Variants in CYTH3 observed in about 807,000 individuals in gnomAD.
CYTH3 encodes the protein cytohesin-3.
In CYTH3, 23 loss-of-function variants were observed where a neutral mutation model predicts 55.1. The observed-to-expected ratio is 0.42, with a 90% CI of 0.30 to 0.59. The LOEUF (loss-of-function observed/expected upper bound fraction) is 0.59, where lower values mean the gene tolerates loss of function less well. CYTH3 is among the 20% of genes least tolerant of loss of function. CYTH3 has a pLI of 0.20. For missense variants in CYTH3, 413 were observed against 524.8 expected (o/e 0.79, Z 2.08); for synonymous variants, 249 against 194.9 (o/e 1.28, Z -2.31).
At chr7:6,203,070 A>G (rs1028080662) in intron 1 of CYTH3, among the ~76,000 whole-genome samples, 3 of 152,240 alleles carry the variant, frequency 2.0e-5, no homozygotes, top group Non-Finnish European at 4.4e-5. Context: ...ATGAGTCACT[A>G]GATAATGATA....
At chr7:6,188,030 G>A (rs1300138811) in intron 2 of CYTH3, among the ~76,000 whole-genome samples, 2 of 152,066 alleles carry the variant, frequency 1.3e-5, no homozygotes, top group Admixed American at 6.6e-5. Flanking sequence ...TCACAGCTGT[G>A]AAAAGATAAA....
At chr7:6,272,081 G>C (rs564374158) in intron 1 of CYTH3, among the ~76,000 whole-genome samples, 1 of 152,198 alleles carries the variant, frequency 6.6e-6, no homozygotes, top group Admixed American at 6.5e-5. Context: ...TGAGCTGAAA[G>C]GGGGCGTCCG....
intron 5 of CYTH3, among the ~76,000 whole-genome samples, chr7:6,174,886 T>C (rs1583742383): frequency 6.6e-6 from 1 of 152,328 alleles, no homozygotes; most frequent in African/African-American, 2.4e-5. Context: ...TGATGATCAA[T>C]TGAGCATTTT....
intron 1 of CYTH3, among the ~76,000 whole-genome samples, chr7:6,237,527 G>T (rs895293842): frequency 2.6e-5 from 4 of 152,022 alleles, no homozygotes; most frequent in Admixed American, 6.6e-5. Context: ...GACCAACATG[G>T]TGAAACCCCG....
intron 1 of CYTH3, among the ~76,000 whole-genome samples, chr7:6,268,848 C>G (rs1780576996): frequency 1.3e-5 from 2 of 152,034 alleles, no homozygotes; most frequent in Admixed American, 6.6e-5. Context: ...GAATTAGTGA[C>G]AGGGGTGATG....
In CYTH3 at chr7:6,167,879, C is replaced by T. The variant is rs912001734; in HGVS notation, c.824-2069G>A. 3.9e-5 allele frequency among the ~76,000 whole-genome samples: 6 copies of T among 152,236 alleles called. No individual in the cohort carries two copies. Among genetic ancestry groups the T allele is most frequent in the Admixed American group, 2.0e-4 (3 of 15,292 alleles). ...GGGTCTGCCAGGTGGCCTCTCAGCTCCACCTTGGGTCCCCCGCTCACACCT... is the reference window on the plus strand; with the variant it reads ...GGGTCTGCCAGGTGGCCTCTCAGCTTCACCTTGGGTCCCCCGCTCACACCT... On this transcript the variant is annotated intron_variant, in intron 9 of 12. Transcript: ENST00000350796. The surrounding 1 kb of genome is among the most constrained non-coding windows in gnomAD (Gnocchi z 5.5).
At chr7:6,182,899 C>T (rs542138340) in intron 4 of CYTH3, among the ~76,000 whole-genome samples, 30 of 152,326 alleles carry the variant, frequency 2.0e-4, no homozygotes, top group African/African-American at 6.5e-4. Flanking sequence ...TTTCCTCAAA[C>T]GCTTGGTGGT....
At chr7:6,222,944 T>C (rs1347073284) in intron 1 of CYTH3, among the ~76,000 whole-genome samples, 1 of 152,214 alleles carries the variant, frequency 6.6e-6, no homozygotes, top group Non-Finnish European at 1.5e-5. Context: ...TAATAGTCAA[T>C]CAATCAATAA....
chr7:6,255,441 G>A (rs1279164430), intron 1 of CYTH3, among the ~76,000 whole-genome samples: 1 of 152,112 alleles, frequency 6.6e-6, no homozygotes, highest in Non-Finnish European at 1.5e-5. Flanking sequence ...GACCCCAAGG[G>A]AAAAGAGGGC....
chr7:6,227,243 G>A (rs901348576), intron 1 of CYTH3, among the ~76,000 whole-genome samples: 2 of 152,002 alleles, frequency 1.3e-5, no homozygotes, highest in African/African-American at 4.8e-5. Flanking sequence ...ACAGATTGAT[G>A]GAAAAATTAT....
chr7:6,260,396 T>C (rs1167160463), intron 1 of CYTH3, among the ~76,000 whole-genome samples: 1 of 152,180 alleles, frequency 6.6e-6, no homozygotes, highest in Non-Finnish European at 1.5e-5. Context: ...TGAGAAGTAT[T>C]TCACTGCAAA....
At chr7:6,189,656 C>G (rs1000217216) in intron 2 of CYTH3, among the ~76,000 whole-genome samples, 1 of 152,078 alleles carries the variant, frequency 6.6e-6, no homozygotes, top group Non-Finnish European at 1.5e-5. Context: ...TGGTACACAG[C>G]TGGAACCCAA....
chr7:6,203,158 A>G (rs1396917571), intron 1 of CYTH3, among the ~76,000 whole-genome samples: 1 of 152,180 alleles, frequency 6.6e-6, no homozygotes, highest in Non-Finnish European at 1.5e-5. Flanking sequence ...GCAAAAATTG[A>G]CAGATGTACA....
At position 6,163,827 on chromosome 7, in the gene CYTH3, GA is replaced by G. The variant is rs758782555; in HGVS notation, c.*1116del. The G allele has an allele frequency of 2.6e-5, 4 of 152,156 alleles. No individual in the cohort carries two copies. Among genetic ancestry groups the G allele is most frequent in the Non-Finnish European group, 5.9e-5 (4 of 68,038 alleles). 9.4% of individuals were successfully genotyped at this position (152,156 alleles called of 1,614,324 possible). A position where few individuals can be genotyped will look rare whatever the true frequency, so the allele number is the denominator to read the frequency against. On this transcript the variant is annotated 3_prime_UTR_variant, in exon 13 of 13. Coordinates refer to ENST00000350796, the MANE Select transcript of CYTH3 (RefSeq NM_004227.4). ...TTCATTAAGAAATCTGGTCAAATTA[GA>G]AAGTCTGTAAAATAAGCGTTCATTT...
chr7:6,242,375 ATTTTT>A lies in CYTH3; in HGVS notation c.34+30094_34+30098del, dbSNP rs10525625. Among the ~76,000 whole-genome samples, 5 of 105,788 alleles carry A rather than the reference ATTTTT, an allele frequency of 4.7e-5. No homozygotes were observed. The South Asian group carries it at 1.5e-3, about 31-fold the overall frequency. The allele number at this position is 105,788 out of a possible 152,430, so 69.4% of individuals were successfully genotyped here. A position where few individuals can be genotyped will look rare whatever the true frequency, so the allele number is the denominator to read the frequency against. ...ACAGACATGAGCCACCGCGCCTGGCATTTTTTTTTTTTTTTTTTTAAGACGGAGTC... is the reference window on the plus strand; with the variant it reads ...ACAGACATGAGCCACCGCGCCTGGCATTTTTTTTTTTTTTAAGACGGAGTC... On this transcript the variant is annotated intron_variant, in intron 1 of 12. Coordinates refer to ENST00000350796, the MANE Select transcript of CYTH3 (RefSeq NM_004227.4).
chr7:6,172,869 C>T (rs557941974), intron 6 of CYTH3: 7 of 1,264,652 alleles, frequency 5.5e-6, no homozygotes, highest in South Asian at 3.8e-5. Flanking sequence ...CACAACATCA[C>T]GAGGGTCCCA....
intron 1 of CYTH3, among the ~76,000 whole-genome samples, chr7:6,254,431 T>C (rs968806594): frequency 6.6e-6 from 1 of 152,228 alleles, no homozygotes; most frequent in African/African-American, 2.4e-5. Context: ...TGCTAAAGTA[T>C]TTCTTTGAAA....
intron 9 of CYTH3, among the ~76,000 whole-genome samples, chr7:6,168,577 C>T (rs1264081017): frequency 1.3e-5 from 2 of 152,172 alleles, no homozygotes; most frequent in Non-Finnish European, 2.9e-5. Context: ...GCAGCAGGTG[C>T]TCACCGGGCC....
chr7:6,241,827 A>C (rs1029275477), intron 1 of CYTH3, among the ~76,000 whole-genome samples: 1 of 152,196 alleles, frequency 6.6e-6, no homozygotes, highest in Admixed American at 6.5e-5. Flanking sequence ...TAAGGTGCGA[A>C]AAGGCTCTGT....
Sources: gnomAD v4.1 joint callset for allele counts (sites outside exome capture counted in the v4.1 genomes callset) on GRCh38, gnomAD v4.1.1 for gene constraint, Gnocchi (gnomAD v3.1) non-coding constraint, MANE v1.5 for transcripts, NCBI Gene and HGNC (gene_info 2026-07-23, HGNC 2026-07-21) for gene names.